GULP1: variants seen among roughly 807,000 people sequenced by gnomAD.
The protein encoded by GULP1 is PTB domain-containing engulfment adapter protein 1.
Under a neutral mutation model 40.9 loss-of-function variants are expected in GULP1, and 19 were observed. The observed-to-expected ratio is 0.46, with a 90% CI of 0.32 to 0.68. The LOEUF (loss-of-function observed/expected upper bound fraction) is 0.68, where lower values mean the gene tolerates loss of function less well. GULP1 is among the 30% of genes least tolerant of loss of function. The pLI is 0.03. For synonymous variants in GULP1, 119 were observed against 117.6 expected (o/e 1.01, Z -0.08); for missense variants, 312 against 362.2 (o/e 0.86, Z 1.12).
At chr2:188,509,123 A>G (rs2064235471) in intron 4 of GULP1, among the ~76,000 whole-genome samples, 1 of 152,022 alleles carries the variant, frequency 6.6e-6, no homozygotes, top group South Asian at 2.1e-4. Context: ...AGTATCTGGA[A>G]CAGTGCCTGG....
At chr2:188,477,767 C>G in intron 3 of GULP1, 37 bp downstream of exon 3, 8 of 1,511,166 alleles carry the variant, frequency 5.3e-6, no homozygotes, top group Non-Finnish European at 7.3e-6. Flanking sequence ...GGGAGTCAAG[C>G]CAATGTTGCT....
chr2:188,551,913 G>A (rs1693557470), intron 7 of GULP1, among the ~76,000 whole-genome samples: 1 of 151,602 alleles, frequency 6.6e-6, no homozygotes. Context: ...TTTGCATTCT[G>A]TGATGATTAT....
At chr2:188,335,752 A>G (rs896948550) in intron 1 of GULP1, among the ~76,000 whole-genome samples, 1 of 152,224 alleles carries the variant, frequency 6.6e-6, no homozygotes, top group African/African-American at 2.4e-5. Flanking sequence ...GTAACAAGAT[A>G]ATCTTTGGAG....
At chr2:188,295,673 A>C (rs1161873620) in intron 1 of GULP1, among the ~76,000 whole-genome samples, 1 of 152,150 alleles carries the variant, frequency 6.6e-6, no homozygotes, top group Non-Finnish European at 1.5e-5. Flanking sequence ...AATTGTTTAA[A>C]GGATAAAGTC....
chr2:188,541,221 G>A lies in GULP1; in HGVS notation c.302G>A (p.Cys101Tyr). The A allele has an allele frequency of 6.2e-7, 1 of 1,612,072 alleles. No individual in the cohort carries two copies. Among genetic ancestry groups the A allele is most frequent in the East Asian group, 2.2e-5 (1 of 44,796 alleles). The change falls in exon 7 of 12, where the codon TGT becomes TAT. Residue 101 changes from cysteine (C) to tyrosine (Y), a missense_variant. By Grantham distance (194) the Cys-to-Tyr change is radical. Coordinates refer to ENST00000409830, the MANE Select transcript of GULP1 (RefSeq NM_016315.4). ...TGCCAGCTTCATAGAATATCTTTTTGTGCAGATGATAAAACTGACAAGAGG... is the reference window on the plus strand; with the variant it reads ...TGCCAGCTTCATAGAATATCTTTTTATGCAGATGATAAAACTGACAAGAGG... ...HNCQLHRISF[C>Y]ADDKTDKRIF...
chr2:188,427,252 C>G (rs2056320259), intron 2 of GULP1, among the ~76,000 whole-genome samples: 1 of 152,216 alleles, frequency 6.6e-6, no homozygotes, highest in South Asian at 2.1e-4. Flanking sequence ...AGAAGATTGG[C>G]AGCCTGGTCA....
chr2:188,323,099 A>G (rs2040235351), intron 1 of GULP1, among the ~76,000 whole-genome samples: 1 of 151,992 alleles, frequency 6.6e-6, no homozygotes. Context: ...CTAAAAACCA[A>G]TATAAATTTA....
At chr2:188,395,243 G>A (rs539168128) in intron 2 of GULP1, among the ~76,000 whole-genome samples, 1 of 152,320 alleles carries the variant, frequency 6.6e-6, no homozygotes, top group African/African-American at 2.4e-5. Flanking sequence ...TACTGACTCA[G>A]TATTTTGGCT....
At chr2:188,391,343 T>A (rs1042709408) in intron 2 of GULP1, among the ~76,000 whole-genome samples, 54 of 152,096 alleles carry the variant, frequency 3.6e-4, no homozygotes, top group African/African-American at 1.3e-3. Context: ...AGTATATTCC[T>A]AGGTATTTTA....
chr2:188,502,685 T>G (rs2063543601), intron 4 of GULP1, among the ~76,000 whole-genome samples: 1 of 152,118 alleles, frequency 6.6e-6, no homozygotes, highest in Admixed American at 6.6e-5. Flanking sequence ...TTCTACACTA[T>G]AAAATTGTGC....
intron 4 of GULP1, among the ~76,000 whole-genome samples, chr2:188,501,953 G>C (rs1188004463): frequency 2.6e-5 from 4 of 151,732 alleles, no homozygotes; most frequent in Admixed American, 2.0e-4. Flanking sequence ...AACACTTTTT[G>C]TGTTTTTACC....
intron 1 of GULP1, among the ~76,000 whole-genome samples, chr2:188,381,734 G>T (rs1012506727): frequency 5.3e-5 from 8 of 152,024 alleles, no homozygotes; most frequent in African/African-American, 1.9e-4. Flanking sequence ...AGAAAAACAT[G>T]ATCTGATAAA....
At chr2:188,350,657 C>T (rs2044328216) in intron 1 of GULP1, among the ~76,000 whole-genome samples, 1 of 150,708 alleles carries the variant, frequency 6.6e-6, no homozygotes, top group Admixed American at 6.6e-5. Flanking sequence ...ATGTGGATGG[C>T]TTTTTTTTTC....
chr2:188,532,441 A>G (rs964255389), intron 6 of GULP1, among the ~76,000 whole-genome samples: 1 of 152,172 alleles, frequency 6.6e-6, no homozygotes, highest in African/African-American at 2.4e-5. Flanking sequence ...GATGGCTACC[A>G]CCTACGTTTA....
chr2:188,513,718 T>G (rs940592442), intron 4 of GULP1, among the ~76,000 whole-genome samples: 3 of 152,036 alleles, frequency 2.0e-5, no homozygotes, highest in Non-Finnish European at 2.9e-5. Flanking sequence ...AGCACACAAT[T>G]GTGCAAGACA....
In GULP1 at chr2:188,575,707, C is replaced by T. The variant is rs1015213664; in HGVS notation, c.609+5587C>T. ...TTGGAAAAGACATTGAAGAGAAACT[C>T]AGAGTCTAGATTTGATAAGCCTTCA... On this transcript the variant is annotated intron_variant, in intron 9 of 11. Coordinates refer to ENST00000409830, the MANE Select transcript of GULP1 (RefSeq NM_016315.4). Among the ~76,000 whole-genome samples, 44 of 151,994 alleles carry T rather than the reference C, an allele frequency of 2.9e-4. 1 individual carries two copies. Among genetic ancestry groups the T allele is most frequent in the Admixed American group, 2.4e-3 (37 of 15,240 alleles).
At chr2:188,495,190 G>C (rs2062784404) in intron 4 of GULP1, among the ~76,000 whole-genome samples, 1 of 152,002 alleles carries the variant, frequency 6.6e-6, no homozygotes, top group African/African-American at 2.4e-5. Flanking sequence ...TGGAGATTTG[G>C]TCAATTAATG....
intron 10 of GULP1, among the ~76,000 whole-genome samples, chr2:188,585,732 C>T (rs532005773): frequency 6.6e-6 from 1 of 152,142 alleles, no homozygotes; most frequent in African/African-American, 2.4e-5. Flanking sequence ...ATTTTTTCCT[C>T]TTAGGCCTCT....
At chr2:188,360,966 G>GTTT (rs1268354256) in intron 1 of GULP1, among the ~76,000 whole-genome samples, 4 of 151,934 alleles carry the variant, frequency 2.6e-5, no homozygotes, top group African/African-American at 9.7e-5. Context: ...TTTTATGGTG[G>GTTT]CGTGAACCTG....
Sources: gnomAD v4.1 joint callset for allele counts (sites outside exome capture counted in the v4.1 genomes callset) on GRCh38, gnomAD v4.1.1 for gene constraint, MANE v1.5 for transcripts, NCBI Gene and HGNC (gene_info 2026-07-23, HGNC 2026-07-21) for gene names.